Variants in NRG3 observed in about 807,000 individuals in gnomAD.
NRG3 encodes pro-neuregulin-3, membrane-bound isoform.
Under a neutral mutation model 66.9 loss-of-function variants are expected in NRG3, and 31 were observed. That is an observed-to-expected ratio of 0.46 (90% CI 0.35 to 0.63). The LOEUF (loss-of-function observed/expected upper bound fraction) is 0.63, where lower values mean the gene tolerates loss of function less well. NRG3 is among the 20% of genes least tolerant of loss of function. The pLI is 0.00. For synonymous variants in NRG3, 393 were observed against 359.4 expected (o/e 1.09, Z -1.06); for missense variants, 910 against 878.9 (o/e 1.04, Z -0.45).
chr10:81,972,327 G>A (rs1323953100), intron 1 of NRG3, among the ~76,000 whole-genome samples: 1 of 152,114 alleles, frequency 6.6e-6, no homozygotes, highest in African/African-American at 2.4e-5. Context: ...ATGCAAAAAA[G>A]TGGGGAAATA....
intron 1 of NRG3, among the ~76,000 whole-genome samples, chr10:82,143,724 ATGAG>A: frequency 6.6e-6 from 1 of 152,316 alleles, no homozygotes; most frequent in African/African-American, 2.4e-5. Flanking sequence ...TAAGTGTTAA[ATGAG>A]TGAGCATGTG....
At chr10:82,019,147 G>T (rs1041166848) in intron 1 of NRG3, among the ~76,000 whole-genome samples, 1 of 151,702 alleles carries the variant, frequency 6.6e-6, no homozygotes, top group African/African-American at 2.4e-5. Flanking sequence ...TAGCATGAAG[G>T]GCTGTTGAAT....
chr10:82,627,650 C>T (rs1023454689), intron 2 of NRG3, among the ~76,000 whole-genome samples: 3 of 152,090 alleles, frequency 2.0e-5, no homozygotes, highest in Non-Finnish European at 2.9e-5. Context: ...CTTTCTTCTA[C>T]ACAAAGAGGC....
At chr10:82,648,680 A>C (rs919227439) in intron 2 of NRG3, among the ~76,000 whole-genome samples, 2 of 151,996 alleles carry the variant, frequency 1.3e-5, no homozygotes, top group Admixed American at 6.6e-5. Context: ...CTTCTATTTC[A>C]TTGAGCAGTG....
chr10:82,712,421 T>A (rs897251037), intron 2 of NRG3, among the ~76,000 whole-genome samples: 2 of 152,180 alleles, frequency 1.3e-5, no homozygotes, highest in African/African-American at 2.4e-5. Context: ...AATAGTTACA[T>A]AGGGCTGTGA....
chr10:82,475,029 C>T (rs1841639133), intron 2 of NRG3, among the ~76,000 whole-genome samples: 1 of 150,796 alleles, frequency 6.6e-6, no homozygotes, highest in South Asian at 2.1e-4. Flanking sequence ...ATCTTAAATC[C>T]ACAGCCTAGC....
chr10:82,050,901 A>G (rs541782179), intron 1 of NRG3, among the ~76,000 whole-genome samples: 2 of 149,916 alleles, frequency 1.3e-5, no homozygotes, highest in Non-Finnish European at 3.0e-5. Context: ...CCTCATGCGT[A>G]TCCAGCATTT....
At chr10:82,084,905 G>T (rs1400946797) in intron 1 of NRG3, among the ~76,000 whole-genome samples, 1 of 152,118 alleles carries the variant, frequency 6.6e-6, no homozygotes, top group East Asian at 1.9e-4. Flanking sequence ...TGTTACCACT[G>T]CATGAAGCTC....
intron 1 of NRG3, among the ~76,000 whole-genome samples, chr10:81,919,508 T>TTCA (rs3061972): frequency 0.11 from 16,160 of 151,840 alleles, 1,300 homozygotes; most frequent in East Asian, 0.22. Flanking sequence ...TTTCATTAAC[T>TTCA]TCATCATCAT....
chr10:82,323,827 G>C (rs1300963632), intron 1 of NRG3, among the ~76,000 whole-genome samples: 1 of 151,884 alleles, frequency 6.6e-6, no homozygotes, highest in Non-Finnish European at 1.5e-5. Flanking sequence ...ATCTATTTTT[G>C]AAAAACCTTC....
chr10:82,683,881 T>A (rs763695119), intron 2 of NRG3, among the ~76,000 whole-genome samples: 6 of 152,212 alleles, frequency 3.9e-5, no homozygotes, highest in Non-Finnish European at 8.8e-5. Context: ...TACATTTTCC[T>A]AAACTATACG....
intron 2 of NRG3, among the ~76,000 whole-genome samples, chr10:82,527,084 A>C (rs1235253261): frequency 6.6e-6 from 1 of 152,092 alleles, no homozygotes; most frequent in Non-Finnish European, 1.5e-5. Context: ...GGAATGTTTC[A>C]TACCAAGACT....
At chr10:81,923,547 C>T (rs746671405) in intron 1 of NRG3, among the ~76,000 whole-genome samples, 18 of 152,128 alleles carry the variant, frequency 1.2e-4, no homozygotes, top group East Asian at 1.9e-4. Flanking sequence ...AGCCTTCATG[C>T]GCTGACTCCA....
At chr10:82,193,522 A>G (rs890196377) in intron 1 of NRG3, among the ~76,000 whole-genome samples, 1 of 152,220 alleles carries the variant, frequency 6.6e-6, no homozygotes, top group African/African-American at 2.4e-5. Flanking sequence ...GAAAGAAAGC[A>G]GATACAGAGA....
chr10:82,468,923 G>GA (rs897527815), intron 2 of NRG3, among the ~76,000 whole-genome samples: 4 of 151,876 alleles, frequency 2.6e-5, no homozygotes, highest in Non-Finnish European at 5.9e-5. Context: ...GACAATGGGA[G>GA]AAAAAAACAA....
intron 1 of NRG3, among the ~76,000 whole-genome samples, chr10:82,286,691 G>A (rs897406167): frequency 6.6e-6 from 1 of 152,052 alleles, no homozygotes; most frequent in Non-Finnish European, 1.5e-5. Context: ...AGGTTCAAGC[G>A]ATTCTTCTGC....
intron 2 of NRG3, among the ~76,000 whole-genome samples, chr10:82,503,060 AAC>A (rs148489422): frequency 0.056 from 8,491 of 152,264 alleles, 515 homozygotes; most frequent in East Asian, 0.17. Flanking sequence ...CAATGGAAAT[AAC>A]AGTTTCATTT....
chr10:82,273,957 A>T (rs2078721719), intron 1 of NRG3, among the ~76,000 whole-genome samples: 1 of 151,936 alleles, frequency 6.6e-6, no homozygotes, highest in Non-Finnish European at 1.5e-5. Flanking sequence ...TTCACCTACA[A>T]ATACATAACT....
At chr10:82,504,670 A>G (rs1378383265) in intron 2 of NRG3, among the ~76,000 whole-genome samples, 3 of 152,224 alleles carry the variant, frequency 2.0e-5, no homozygotes, top group Non-Finnish European at 4.4e-5. Flanking sequence ...AATGTATTAT[A>G]ATGTGGAAAA....
Sources: allele counts gnomAD v4.1 joint callset (sites outside exome capture counted in the v4.1 genomes callset), GRCh38; gene constraint gnomAD v4.1.1; transcripts MANE v1.5; gene names NCBI Gene and HGNC (gene_info 2026-07-23, HGNC 2026-07-21).